STIM1: variants seen among roughly 807,000 people sequenced by gnomAD.
STIM1 encodes stromal interaction molecule 1.
Under a neutral mutation model 74.7 loss-of-function variants are expected in STIM1, and 25 were observed. That is an observed-to-expected ratio of 0.33 (90% CI 0.24 to 0.47). The LOEUF (loss-of-function observed/expected upper bound fraction) is 0.47. Ranked by LOEUF, STIM1 falls within the 20% of genes least tolerant of loss-of-function variation. The pLI is 1.00. For synonymous variants in STIM1, 328 were observed against 348.8 expected (o/e 0.94, Z 0.66); for missense variants, 728 against 920.8 (o/e 0.79, Z 2.71).
intron 12 of STIM1, 86 bp downstream of exon 12, chr11:4,086,629 A>C (rs1344827476): frequency 6.3e-7 from 1 of 1,585,284 alleles, no homozygotes; most frequent in South Asian, 1.1e-5. Flanking sequence ...ACAGTCTTTC[A>C]GTTCTGAAGG....
chr11:4,045,762 C>CTTTTT (rs35939527), intron 3 of STIM1, among the ~76,000 whole-genome samples: 23 of 104,496 alleles, frequency 2.2e-4, no homozygotes, highest in South Asian at 3.4e-4. Context: ...CTCAACACTT[C>CTTTTT]TTTTTTTTTT....
intron 1 of STIM1, among the ~76,000 whole-genome samples, chr11:3,964,827 C>T (rs563893473): frequency 7.9e-5 from 12 of 151,660 alleles, no homozygotes; most frequent in East Asian, 1.9e-4. Context: ...TGGCCTCAAG[C>T]GATCCTCCTA....
chr11:3,922,607 C>G (rs1006434192), intron 1 of STIM1: 1 of 158,126 alleles, frequency 6.3e-6, no homozygotes, highest in African/African-American at 2.4e-5. Flanking sequence ...TAGTATTCTG[C>G]CTGCTTCACA....
At chr11:3,985,350 TTGTA>T (rs2093548745) in intron 2 of STIM1, among the ~76,000 whole-genome samples, 1 of 152,218 alleles carries the variant, frequency 6.6e-6, no homozygotes, top group African/African-American at 2.4e-5. Flanking sequence ...TGTGTTTTTT[TTGTA>T]TGTGTGTATA....
rs542779231 is a variant in STIM1 at position 4,000,691 on chromosome 11, A to G, written c.271-23182A>G. 3.9e-5 allele frequency among the ~76,000 whole-genome samples: 6 copies of G among 152,350 alleles called. No individual in the cohort carries two copies. In the East Asian group the frequency reaches 1.2e-3, roughly 29 times the overall value. ...AAAAGCAGAGCGCCTCTCCTCCTCC[A>G]AAGGAACGCAGTTCCTCACCAGCAA... On this transcript the variant is annotated intron_variant, in intron 2 of 12. Coordinates refer to ENST00000526596, the MANE Select transcript of STIM1 (RefSeq NM_001382567.1).
At chr11:3,895,743 T>TCTTTTTCTTC (rs2092122293) in intron 1 of STIM1, among the ~76,000 whole-genome samples, 4 of 34,514 alleles carry the variant, frequency 1.2e-4, no homozygotes. Flanking sequence ...TCTTTTTCTT[T>TCTTTTTCTTC]CTTCCTTCCT....
chr11:3,862,550 T>C (rs1181799782), intron 1 of STIM1, among the ~76,000 whole-genome samples: 2 of 152,200 alleles, frequency 1.3e-5, no homozygotes, highest in Admixed American at 6.5e-5. Context: ...CAGAGTTGCA[T>C]ATGCATCAGA....
chr11:3,989,561 C>A, intron 2 of STIM1: 1 of 533,442 alleles, frequency 1.9e-6, no homozygotes, highest in South Asian at 1.6e-5. Context: ...CTCCTCCCGC[C>A]GCCCGAGCTG....
chr11:4,029,942 A>G (rs563465153), intron 3 of STIM1, among the ~76,000 whole-genome samples: 4 of 152,154 alleles, frequency 2.6e-5, no homozygotes, highest in Non-Finnish European at 4.4e-5. Context: ...TGGTTTTGTT[A>G]TACATGCTTT....
rs142612863 is a variant in STIM1 at position 4,027,687 on chromosome 11, C to G, written c.385+3700C>G. ...TTTTTTATTTCTAAGTGTCTTTGCT[C>G]AAGAGTCAGATATGACAAGAGAAGA... On this transcript the variant is annotated intron_variant, in intron 3 of 12. Transcript: ENST00000526596. Among the ~76,000 whole-genome samples, 606 of 152,220 alleles carry G rather than the reference C, an allele frequency of 4.0e-3. 3 individuals are homozygous for G. The highest frequency in any genetic ancestry group is 7.1e-3 in the Non-Finnish European group (484 of 68,012).
chr11:4,043,131 T>C (rs997786143), intron 3 of STIM1, among the ~76,000 whole-genome samples: 14 of 152,322 alleles, frequency 9.2e-5, no homozygotes, highest in Non-Finnish European at 8.8e-5. Flanking sequence ...TCAAATTCAG[T>C]GTTTTTTTGT....
intron 1 of STIM1, among the ~76,000 whole-genome samples, chr11:3,904,212 A>G (rs2092419461): frequency 6.7e-6 from 1 of 150,314 alleles, no homozygotes; most frequent in African/African-American, 2.4e-5. Context: ...AAAAAAAAAA[A>G]AAAAAAAGAA....
At chr11:3,895,211 G>A (rs746639849) in intron 1 of STIM1, among the ~76,000 whole-genome samples, 10 of 152,186 alleles carry the variant, frequency 6.6e-5, no homozygotes, top group African/African-American at 9.7e-5. Context: ...GGGCAGGGGA[G>A]CAAGGCCTTA....
In STIM1 at chr11:4,082,909, A is replaced by G; in HGVS notation, c.1165A>G (p.Thr389Ala). ...GAEKIKKKRN[T>A]LFGTFHVAHS... ...TGAGAAGATAAAAAAGAAGAGAAACACACTCTTTGGCACCTTCCACGTGGC... is the reference window on the plus strand; with the variant it reads ...TGAGAAGATAAAAAAGAAGAGAAACGCACTCTTTGGCACCTTCCACGTGGC... The change falls in exon 9 of 13, where the codon ACA becomes GCA. Residue 389 changes from threonine (T) to alanine (A), a missense_variant. Thr to Ala is a moderately conservative substitution (Grantham distance 58, BLOSUM62 0). Coordinates refer to ENST00000526596, the MANE Select transcript of STIM1 (RefSeq NM_001382567.1). 1 of 1,614,146 alleles carries G rather than the reference A, an allele frequency of 6.2e-7. No individual in the cohort carries two copies. Among genetic ancestry groups the G allele is most frequent in the Non-Finnish European group, 8.5e-7 (1 of 1,180,002 alleles).
At chr11:4,013,906 A>C (rs1285914892) in intron 2 of STIM1, among the ~76,000 whole-genome samples, 3 of 151,282 alleles carry the variant, frequency 2.0e-5, no homozygotes, top group Non-Finnish European at 4.4e-5. Flanking sequence ...ACAGGGTTTC[A>C]CCGTGTTAGC....
intron 1 of STIM1, among the ~76,000 whole-genome samples, chr11:3,902,752 G>A (rs1202604788): frequency 1.3e-5 from 2 of 152,186 alleles, no homozygotes; most frequent in African/African-American, 4.8e-5. Context: ...ATCCTGTACT[G>A]CTCTTAGGCA....
chr11:4,040,342 T>C (rs900772745), intron 3 of STIM1, among the ~76,000 whole-genome samples: 2 of 152,230 alleles, frequency 1.3e-5, no homozygotes, highest in Non-Finnish European at 1.5e-5. Flanking sequence ...ACTGCTTTAT[T>C]GGCAGTTCCT....
intron 2 of STIM1, chr11:3,989,553 C>A: frequency 1.8e-6 from 1 of 544,984 alleles, no homozygotes; most frequent in Non-Finnish European, 3.5e-6. Context: ...CGCTGCCGCT[C>A]CTCCCGCCGC....
intron 10 of STIM1, 127 bp from the exon 11 acceptor site, chr11:4,084,546 A>G: frequency 1.7e-6 from 1 of 604,608 alleles, no homozygotes. Flanking sequence ...CCAGGCTGGG[A>G]GGGACCTTAA....
Sources: gnomAD v4.1 joint callset for allele counts (sites outside exome capture counted in the v4.1 genomes callset) on GRCh38, gnomAD v4.1.1 for gene constraint, MANE v1.5 for transcripts, NCBI Gene and HGNC (gene_info 2026-07-23, HGNC 2026-07-21) for gene names.